UBE2L3: variants seen among roughly 807,000 people sequenced by gnomAD.
UBE2L3 encodes ubiquitin conjugating enzyme E2 L3, also known as ubiquitin-conjugating enzyme E2 L3.
A neutral mutation model predicts 17.8 loss-of-function variants in UBE2L3; 1 was observed. That is an observed-to-expected ratio of 0.06 (90% CI 0.02 to 0.27). The LOEUF (loss-of-function observed/expected upper bound fraction) is 0.27. Among genes scored for constraint, UBE2L3 ranks in the 10% least tolerant of loss-of-function variants. The pLI, the probability that UBE2L3 is intolerant of heterozygous loss-of-function variation, is 1.00. For synonymous variants in UBE2L3, 44 were observed against 68.5 expected (o/e 0.64, Z 1.76); for missense variants, 40 against 192.6 (o/e 0.21, Z 4.69).
intron 2 of UBE2L3, among the ~76,000 whole-genome samples, chr22:21,598,558 TTA>T (rs1382621721): frequency 3.7e-4 from 55 of 148,882 alleles, no homozygotes; most frequent in African/African-American, 1.3e-3. Flanking sequence ...TTTTTTTTTT[TTA>T]AATAAATAGA....
chr22:21,607,255 C>G (rs1276467634), intron 2 of UBE2L3, among the ~76,000 whole-genome samples: 1 of 151,786 alleles, frequency 6.6e-6, no homozygotes, highest in Non-Finnish European at 1.5e-5. Flanking sequence ...TCCTGTAATC[C>G]CAACACTTTG....
intron 3 of UBE2L3, among the ~76,000 whole-genome samples, chr22:21,614,006 A>T (rs1480047243): frequency 1.3e-5 from 2 of 152,154 alleles, no homozygotes; most frequent in Admixed American, 6.5e-5. Flanking sequence ...TCAGCTCTTG[A>T]TGGGAGGAGT....
chr22:21,616,242 T>C (rs190125910), intron 3 of UBE2L3, among the ~76,000 whole-genome samples: 8 of 152,320 alleles, frequency 5.3e-5, no homozygotes, highest in Non-Finnish European at 1.0e-4. Context: ...CAGCTGTATA[T>C]GGGATGCTCA....
chr22:21,613,163 G>T (rs1363732812), intron 3 of UBE2L3, among the ~76,000 whole-genome samples: 2 of 152,172 alleles, frequency 1.3e-5, no homozygotes, highest in East Asian at 3.9e-4. Context: ...GACTGAGAGG[G>T]TGGGGCTAGG....
At chr22:21,595,644 C>T (rs1928474887) in intron 2 of UBE2L3, among the ~76,000 whole-genome samples, 1 of 152,198 alleles carries the variant, frequency 6.6e-6, no homozygotes, top group Non-Finnish European at 1.5e-5. Context: ...GGTCTATTCC[C>T]TTTAAACATT....
intron 3 of UBE2L3, among the ~76,000 whole-genome samples, chr22:21,617,647 G>T (rs1408539287): frequency 6.6e-6 from 1 of 152,132 alleles, no homozygotes; most frequent in Non-Finnish European, 1.5e-5. Context: ...AAGAGACCAA[G>T]AACCCAGGGC....
chr22:21,619,107 G>A (rs1346983868), intron 3 of UBE2L3, among the ~76,000 whole-genome samples: 2 of 152,156 alleles, frequency 1.3e-5, no homozygotes, highest in Non-Finnish European at 2.9e-5. Flanking sequence ...GCTCTTAGGC[G>A]ACTGTGGCTC....
chr22:21,601,125 C>T (rs1601427085), intron 2 of UBE2L3, among the ~76,000 whole-genome samples: 1 of 151,706 alleles, frequency 6.6e-6, no homozygotes, highest in East Asian at 2.0e-4. Flanking sequence ...GAGCTGAGAT[C>T]GCGTCATTGC....
At chr22:21,563,144 G>T (rs1281472192), upstream of UBE2L3, among the ~76,000 whole-genome samples, 1 of 151,226 alleles carries the variant, frequency 6.6e-6, no homozygotes, top group East Asian at 2.0e-4. Context: ...CGGGAGGCTG[G>T]GGCAGGAAAA....
intron 2 of UBE2L3, among the ~76,000 whole-genome samples, chr22:21,598,131 T>C (rs1329628292): frequency 6.6e-6 from 1 of 151,502 alleles, no homozygotes; most frequent in African/African-American, 2.4e-5. Flanking sequence ...TTTCTCTTTT[T>C]CCTTTTATCA....
At chr22:21,616,465 G>A (rs762439445) in intron 3 of UBE2L3, among the ~76,000 whole-genome samples, 5 of 151,588 alleles carry the variant, frequency 3.3e-5, no homozygotes, top group East Asian at 2.0e-4. Context: ...CCTGGCCAAC[G>A]TGGTGAAACC....
chr22:21,563,168 G>A (rs565775733), upstream of UBE2L3, among the ~76,000 whole-genome samples: 372 of 151,416 alleles, frequency 2.5e-3, 2 homozygotes, highest in African/African-American at 8.7e-3. Context: ...CTCGAACCCA[G>A]GAGGCGGAGG....
intron 1 of UBE2L3, among the ~76,000 whole-genome samples, chr22:21,573,890 C>T (rs963342531): frequency 6.6e-6 from 1 of 152,222 alleles, no homozygotes; most frequent in Non-Finnish European, 1.5e-5. Flanking sequence ...CACCTGGTTC[C>T]TCCAGAGCTA....
chr22:21,556,399 A>T (rs1195848509), intron 1 of UBE2L3, among the ~76,000 whole-genome samples: 1 of 152,286 alleles, frequency 6.6e-6, no homozygotes, highest in African/African-American at 2.4e-5. Context: ...TCTCTAAAAA[A>T]AAAGTAAAAT....
chr22:21,566,174 T>C (rs1926626340), upstream of UBE2L3, among the ~76,000 whole-genome samples: 1 of 151,922 alleles, frequency 6.6e-6, no homozygotes, highest in Admixed American at 6.6e-5. Context: ...AGTTTCACCA[T>C]GTTGGTCAGG....
At chr22:21,595,554 G>A (rs550772104) in intron 2 of UBE2L3, among the ~76,000 whole-genome samples, 4 of 152,312 alleles carry the variant, frequency 2.6e-5, no homozygotes, top group South Asian at 4.1e-4. Flanking sequence ...TGCCCTGGTC[G>A]TAGTGCACAG....
chr22:21,572,492 A>C (rs545472639), intron 1 of UBE2L3, among the ~76,000 whole-genome samples: 3 of 150,884 alleles, frequency 2.0e-5, no homozygotes, highest in Non-Finnish European at 1.5e-5. Flanking sequence ...GCCTTTTCTG[A>C]TCTTGTTAAA....
chr22:21,567,507 C>T, upstream of UBE2L3: 1 of 812,078 alleles, frequency 1.2e-6, no homozygotes, highest in Non-Finnish European at 1.9e-6. Context: ...TACTATGTGC[C>T]AGGCACTGGT....
intron 3 of UBE2L3, 106 bp from the exon 4 acceptor site, chr22:21,621,409 G>T: frequency 7.2e-7 from 1 of 1,385,786 alleles, no homozygotes; most frequent in Non-Finnish European, 9.6e-7. Flanking sequence ...CACATTAGCT[G>T]TAAATCAGTT....
Sources: allele counts gnomAD v4.1 joint callset (sites outside exome capture counted in the v4.1 genomes callset), GRCh38; gene constraint gnomAD v4.1.1; transcripts MANE v1.5; gene names NCBI Gene and HGNC (gene_info 2026-07-23, HGNC 2026-07-21).